The following TRHDE variants were observed in gnomAD, a reference collection of about 807,000 sequenced individuals.
The protein encoded by TRHDE is thyrotropin-releasing hormone-degrading ectoenzyme.
TRHDE carries 72 observed loss-of-function variants against 125.7 expected under a neutral mutation model. The observed-to-expected ratio is 0.57, with a 90% confidence interval of 0.47 to 0.70. TRHDE has a LOEUF of 0.70. Ranked by LOEUF, TRHDE falls within the 30% of genes least tolerant of loss-of-function variation. The pLI is 0.00. For missense variants in TRHDE, 1,110 were observed against 1,327.1 expected, an observed-to-expected ratio of 0.84 and a Z score of 2.54; for synonymous variants, 509 against 509.1, an observed-to-expected ratio of 1.00 and a Z score of 0.00.
Position 72,629,794 on chromosome 12 carries a change from C to A in TRHDE, c.2675+8043C>A, listed in dbSNP as rs141883684. On this transcript the variant is annotated intron_variant, in intron 15 of 18. Coordinates refer to ENST00000261180, the MANE Select transcript of TRHDE (RefSeq NM_013381.3). ...ATTTTCCTAATGTAATATAAGCATTCATATTATCAGTAAGGGGAGTCCTTC... is the reference window on the plus strand; with the variant it reads ...ATTTTCCTAATGTAATATAAGCATTAATATTATCAGTAAGGGGAGTCCTTC... Among the ~76,000 whole-genome samples, 492 of 151,578 alleles carry A rather than the reference C, an allele frequency of 3.2e-3. 3 individuals are homozygous for A. Among genetic ancestry groups the A allele is most frequent in the African/African-American group, 0.011 (446 of 41,428 alleles).
chr12:72,125,996 CA>C (rs957388659), intron 2 of TRHDE, among the ~76,000 whole-genome samples: 2 of 152,118 alleles, frequency 1.3e-5, no homozygotes, highest in African/African-American at 4.8e-5. Context: ...TAAAACAAAA[CA>C]AAACAAAACA....
At chr12:72,221,647 G>T (rs1324191823) in intron 2 of TRHDE, among the ~76,000 whole-genome samples, 1 of 152,080 alleles carries the variant, frequency 6.6e-6, no homozygotes, top group Non-Finnish European at 1.5e-5. Flanking sequence ...GAACATATTT[G>T]ACCTAGTAGG....
At chr12:72,222,682 A>G (rs970522700) in intron 2 of TRHDE, among the ~76,000 whole-genome samples, 3 of 152,114 alleles carry the variant, frequency 2.0e-5, no homozygotes, top group African/African-American at 7.2e-5. Flanking sequence ...TGTGGATGTC[A>G]CGGCCTGAGT....
At chr12:72,610,451 G>A (rs948570467) in intron 12 of TRHDE, among the ~76,000 whole-genome samples, 2 of 152,192 alleles carry the variant, frequency 1.3e-5, no homozygotes, top group African/African-American at 4.8e-5. Context: ...ATTTGAGTTT[G>A]CTCTCCGTAG....
At chr12:72,224,202 CTA>C in intron 2 of TRHDE, among the ~76,000 whole-genome samples, 1 of 146,198 alleles carries the variant, frequency 6.8e-6, no homozygotes, top group Non-Finnish European at 1.5e-5. Context: ...ATCTATCTAT[CTA>C]TCTATCTATC....
intron 2 of TRHDE, among the ~76,000 whole-genome samples, chr12:72,289,433 C>A (rs1359455759): frequency 2.0e-5 from 3 of 152,122 alleles, no homozygotes. Flanking sequence ...TTCAAGCATT[C>A]AGACTGAATC....
intron 18 of TRHDE, among the ~76,000 whole-genome samples, chr12:72,659,085 T>C (rs991698863): frequency 1.3e-5 from 2 of 152,182 alleles, no homozygotes; most frequent in African/African-American, 4.8e-5. Context: ...CAAGGGTTTA[T>C]AGATCAAAAG....
chr12:72,325,811 G>T (rs2135714704), intron 2 of TRHDE, among the ~76,000 whole-genome samples: 1 of 152,204 alleles, frequency 6.6e-6, no homozygotes, highest in East Asian at 1.9e-4. Context: ...TATTAGGTTT[G>T]GGGTTTTTTT....
At chr12:72,365,188 G>C (rs1422870722) in intron 2 of TRHDE, among the ~76,000 whole-genome samples, 2 of 152,088 alleles carry the variant, frequency 1.3e-5, no homozygotes, top group Non-Finnish European at 2.9e-5. Context: ...TGTTGAAATA[G>C]ATTTAAGGAA....
intron 12 of TRHDE, among the ~76,000 whole-genome samples, chr12:72,594,490 T>A (rs950984219): frequency 6.9e-6 from 1 of 145,732 alleles, no homozygotes; most frequent in African/African-American, 2.7e-5. Flanking sequence ...AGCTCTGGGA[T>A]TACAGATGTG....
rs190811965 is a variant in TRHDE at position 72,550,862 on chromosome 12, A to G, written c.1788+8506A>G. Among the ~76,000 whole-genome samples the G allele has an allele frequency of 1.0e-3, 157 of 152,038 alleles. 2 individuals are homozygous for G. The highest frequency in any genetic ancestry group is 1.5e-4 in the Non-Finnish European group (10 of 67,878). Reference sequence around the variant, plus strand: ...CACTAAGTAAACAGGATTCTTATAAATTTTCAAAATAAATTTCTTACTAAT... The same window carrying G: ...CACTAAGTAAACAGGATTCTTATAAGTTTTCAAAATAAATTTCTTACTAAT... On this transcript the variant is annotated intron_variant, in intron 7 of 18. Transcript: ENST00000261180.
chr12:72,367,610 A>G (rs573260363), intron 2 of TRHDE, among the ~76,000 whole-genome samples: 24 of 152,282 alleles, frequency 1.6e-4, no homozygotes, highest in Admixed American at 9.8e-4. Context: ...CTTGTTTACA[A>G]CATCCTTTCC....
At chr12:72,172,044 A>G (rs1029083701) in intron 2 of TRHDE, among the ~76,000 whole-genome samples, 1 of 152,170 alleles carries the variant, frequency 6.6e-6, no homozygotes. Context: ...CATTTAATGG[A>G]GTAAGTTTTT....
intron 2 of TRHDE, among the ~76,000 whole-genome samples, chr12:72,204,583 C>T (rs796983009): frequency 5.9e-5 from 9 of 152,234 alleles, no homozygotes; most frequent in African/African-American, 2.2e-4. Flanking sequence ...CAGCTGATGT[C>T]CCTTAGGCAT....
In TRHDE at chr12:72,623,149, C is replaced by T. The variant is rs143497914; in HGVS notation, c.2675+1398C>T. Among the ~76,000 whole-genome samples, 198 of 151,976 alleles carry T rather than the reference C, an allele frequency of 1.3e-3. 1 individual carries two copies. The highest frequency in any genetic ancestry group is 4.4e-3 in the African/African-American group (181 of 41,490). On this transcript the variant is annotated intron_variant, in intron 15 of 18. Transcript: ENST00000261180. The stretch of plus-strand genomic sequence containing the variant: ...CAGACCATGGAAGTAAACATTTATC[C>T]AACATAAATACAGCCAAAATTTTAT...
intron 12 of TRHDE, among the ~76,000 whole-genome samples, chr12:72,585,789 G>C (rs1022936044): frequency 1.3e-5 from 2 of 152,070 alleles, no homozygotes; most frequent in Non-Finnish European, 2.9e-5. Flanking sequence ...CAATGTAAAA[G>C]CCTCATTTTT....
chr12:72,330,848 A>C (rs1463578958), intron 2 of TRHDE, among the ~76,000 whole-genome samples: 1 of 152,132 alleles, frequency 6.6e-6, no homozygotes, highest in Non-Finnish European at 1.5e-5. Context: ...CGCTTCTCAA[A>C]CTTTAGCATG....
rs187098628 is a variant in TRHDE, at chr12:72,513,577, C to T, written c.1722+13942C>T. On this transcript the variant is annotated intron_variant, in intron 6 of 18. Coordinates refer to ENST00000261180, the MANE Select transcript of TRHDE (RefSeq NM_013381.3). ...TTTCCTAGGAGAACCAAAATCAAGT[C>T]GTTGATTTCTGTGCTTTTAAAAGTA... Among the ~76,000 whole-genome samples, 226 of 152,094 alleles carry T rather than the reference C, an allele frequency of 1.5e-3. 1 individual carries two copies. Among genetic ancestry groups the T allele is most frequent in the African/African-American group, 5.2e-3 (215 of 41,492 alleles).
chr12:72,223,723 C>A (rs1162571529), intron 2 of TRHDE, among the ~76,000 whole-genome samples: 3 of 152,072 alleles, frequency 2.0e-5, no homozygotes, highest in African/African-American at 7.2e-5. Flanking sequence ...TGACTTCAAA[C>A]ATGCTTACTT....
Sources: gnomAD v4.1 joint callset for allele counts (sites outside exome capture counted in the v4.1 genomes callset) on GRCh38, gnomAD v4.1.1 for gene constraint, MANE v1.5 for transcripts, NCBI Gene and HGNC (gene_info 2026-07-23, HGNC 2026-07-21) for gene names.